The following STX3 variants were observed in gnomAD, a reference collection of about 807,000 sequenced individuals.
STX3 encodes the protein syntaxin 3.
A neutral mutation model predicts 40.2 loss-of-function variants in STX3; 19 were observed. That is an observed-to-expected ratio of 0.47 (90% CI 0.33 to 0.69). The LOEUF (loss-of-function observed/expected upper bound fraction) is 0.69, where lower values mean the gene tolerates loss of function less well. STX3 is among the 30% of genes least tolerant of loss of function. The pLI, the probability that STX3 is intolerant of heterozygous loss-of-function variation, is 0.02. For missense variants in STX3, 364 were observed against 366.7 expected, an observed-to-expected ratio of 0.99 and a Z score of 0.06; for synonymous variants, 122 against 132.2, an observed-to-expected ratio of 0.92 and a Z score of 0.53.
intron 10 of STX3, among the ~76,000 whole-genome samples, chr11:59,799,349 TATA>T (rs1165776595): frequency 6.6e-6 from 1 of 152,272 alleles, no homozygotes; most frequent in Non-Finnish European, 1.5e-5. Flanking sequence ...TAGTTCAGAC[TATA>T]TTATCCAGTT....
At chr11:59,797,540 C>T in intron 10 of STX3, 144 bp downstream of exon 10, 1 of 626,024 alleles carries the variant, frequency 1.6e-6, no homozygotes, top group East Asian at 2.8e-5. Context: ...CCTGTGGATT[C>T]TTTATCTCCT....
intron 10 of STX3, chr11:59,800,513 T>C: frequency 1.0e-6 from 1 of 985,354 alleles, no homozygotes; most frequent in Non-Finnish European, 1.2e-6. Flanking sequence ...AGAAAGCAGC[T>C]CCTGCAGCCT....
intron 10 of STX3, chr11:59,800,184 CAA>C: frequency 1.0e-6 from 1 of 985,416 alleles, no homozygotes; most frequent in Non-Finnish European, 1.2e-6. Context: ...TGTTCCCTAA[CAA>C]AGTCAAGACT....
intron 2 of STX3, among the ~76,000 whole-genome samples, chr11:59,777,032 T>A (rs1044568146): frequency 6.6e-6 from 1 of 152,244 alleles, no homozygotes; most frequent in Non-Finnish European, 1.5e-5. Flanking sequence ...GTCTTCAAGA[T>A]AGCATGTTAG....
chr11:59,771,926 A>T (rs1002701984), intron 1 of STX3, among the ~76,000 whole-genome samples: 2 of 152,172 alleles, frequency 1.3e-5, no homozygotes, highest in East Asian at 3.9e-4. Flanking sequence ...GAATGTGGCT[A>T]TTAACCTGGG....
intron 1 of STX3, among the ~76,000 whole-genome samples, chr11:59,771,403 T>TCCCCCCCCCCCCCCCCCCCCC (rs1367914976): frequency 1.4e-4 from 5 of 34,640 alleles, no homozygotes; most frequent in African/African-American, 2.6e-4. Context: ...TCCCCCCACC[T>TCCCCCCCCCCCCCCCCCCCCC]CCCCCCCCCC....
chr11:59,793,207 C>G, intron 7 of STX3, 35 bp downstream of exon 7: 1 of 1,610,894 alleles, frequency 6.2e-7, no homozygotes, highest in Non-Finnish European at 8.5e-7. Context: ...GCACATCCCT[C>G]TCGTGAGCAG....
chr11:59,788,298 T>C (rs899391570), intron 3 of STX3, among the ~76,000 whole-genome samples: 2 of 152,214 alleles, frequency 1.3e-5, no homozygotes, highest in East Asian at 1.9e-4. Context: ...CACTAGACTC[T>C]AACACCTTGC....
At chr11:59,775,475 CCTTTTT>C (rs1863914315) in intron 2 of STX3, among the ~76,000 whole-genome samples, 1 of 152,190 alleles carries the variant, frequency 6.6e-6, no homozygotes, top group South Asian at 2.1e-4. Context: ...ACTGTGTTCT[CCTTTTT>C]CTTCTGAGCC....
chr11:59,762,033 T>C (rs1863065157), intron 1 of STX3, among the ~76,000 whole-genome samples: 1 of 152,226 alleles, frequency 6.6e-6, no homozygotes, highest in Non-Finnish European at 1.5e-5. Context: ...TCACTAGTTG[T>C]TCCACTAATG....
intron 2 of STX3, among the ~76,000 whole-genome samples, chr11:59,786,294 C>T (rs1006132895): frequency 2.0e-4 from 29 of 146,696 alleles, no homozygotes; most frequent in African/African-American, 7.1e-4. Context: ...GGCTGGAGTG[C>T]AGTGGTGCGA....
chr11:59,779,176 C>CT (rs1346652194), intron 2 of STX3, among the ~76,000 whole-genome samples: 8 of 152,128 alleles, frequency 5.3e-5, no homozygotes, highest in African/African-American at 1.7e-4. Flanking sequence ...GTTTGGGCTG[C>CT]TATGAGAAAG....
At position 59,802,170 on chromosome 11, in the gene STX3, A is replaced by G. The variant is rs779099370; in HGVS notation, c.*1346A>G. ...TGGGGAACACCAGAGGCTACACAGT[A>G]GCTCTTCCTGCTACTCGGTTAATGA... is the stretch of plus-strand genomic sequence containing the variant. On this transcript the variant is annotated 3_prime_UTR_variant, in exon 11 of 11. Coordinates refer to ENST00000337979, the MANE Select transcript of STX3 (RefSeq NM_004177.5). 115 of 985,324 alleles carry G rather than the reference A, an allele frequency of 1.2e-4. No individual in the cohort carries two copies. The highest frequency in any genetic ancestry group is 1.3e-4 in the Non-Finnish European group (110 of 829,960). The allele number at this position is 985,324 out of a possible 1,614,324, so 61.0% of individuals were successfully genotyped here.
intron 1 of STX3, among the ~76,000 whole-genome samples, chr11:59,762,516 G>A (rs766048491): frequency 5.9e-5 from 9 of 152,170 alleles, no homozygotes; most frequent in South Asian, 2.1e-4. Context: ...AAGGTTGCGC[G>A]TTGTCACTGT....
intron 1 of STX3, among the ~76,000 whole-genome samples, chr11:59,759,556 G>A (rs375044274): frequency 1.3e-5 from 2 of 152,330 alleles, no homozygotes; most frequent in South Asian, 2.1e-4. Flanking sequence ...GGAGAAGCCA[G>A]TGATGTATGG....
chr11:59,790,441 AGT>A, intron 4 of STX3, 76 bp from the exon 5 acceptor site: 6 of 1,124,326 alleles, frequency 5.3e-6, no homozygotes, highest in Non-Finnish European at 8.1e-6. Context: ...TGTGGGAATG[AGT>A]GAGGAAGTTT....
chr11:59,772,957 C>T (rs1863735986), intron 1 of STX3, among the ~76,000 whole-genome samples: 1 of 143,162 alleles, frequency 7.0e-6, no homozygotes, highest in Non-Finnish European at 1.5e-5. Context: ...CTTTCTCACC[C>T]CTCACCCCCT....
intron 4 of STX3, 104 bp from the exon 5 acceptor site, chr11:59,790,415 C>G (rs533229440): frequency 1.1e-6 from 1 of 872,418 alleles, no homozygotes; most frequent in South Asian, 1.4e-5. Flanking sequence ...CCTGTTACAT[C>G]TCCGTGGGCT....
intron 10 of STX3, 117 bp downstream of exon 10, chr11:59,797,513 T>C (rs1865595232): frequency 1.4e-6 from 1 of 715,384 alleles, no homozygotes; most frequent in Admixed American, 2.9e-5. Flanking sequence ...CACTGAGCTT[T>C]CTAAAACTTT....
Sources: gnomAD v4.1 joint callset for allele counts (sites outside exome capture counted in the v4.1 genomes callset) on GRCh38, gnomAD v4.1.1 for gene constraint, MANE v1.5 for transcripts, NCBI Gene and HGNC (gene_info 2026-07-23, HGNC 2026-07-21) for gene names.